NKAIN3: variants seen among roughly 807,000 people sequenced by gnomAD.
The protein encoded by NKAIN3 is sodium/potassium-transporting ATPase subunit beta-1-interacting protein 3.
A neutral mutation model predicts 30.2 loss-of-function variants in NKAIN3; 25 were observed. That is an observed-to-expected ratio of 0.83 (90% CI 0.60 to 1.16). NKAIN3 has a LOEUF of 1.16. Among genes scored for constraint, NKAIN3 ranks in the 50% most tolerant of loss-of-function variants. NKAIN3 has a pLI of 0.00. For missense variants in NKAIN3, 225 were observed against 254.1 expected (o/e 0.89, Z 0.78); for synonymous variants, 91 against 89.6 (o/e 1.02, Z -0.09).
intron 3 of NKAIN3, among the ~76,000 whole-genome samples, chr8:62,649,580 C>G (rs1458913577): frequency 6.6e-6 from 1 of 152,082 alleles, no homozygotes; most frequent in African/African-American, 2.4e-5. Context: ...GATATAATGA[C>G]AAAGGTTATT....
At chr8:62,364,844 A>AAAAAAAAAT (rs1816686125) in intron 1 of NKAIN3, among the ~76,000 whole-genome samples, 1 of 151,054 alleles carries the variant, frequency 6.6e-6, no homozygotes, top group Admixed American at 6.6e-5. Context: ...AAAAAAAAAA[A>AAAAAAAAAT]AAAAAAATCA....
chr8:62,314,101 A>G (rs1399265891), intron 1 of NKAIN3, among the ~76,000 whole-genome samples: 2 of 152,172 alleles, frequency 1.3e-5, no homozygotes, highest in Non-Finnish European at 2.9e-5. Context: ...CTATCTCTCA[A>G]GTTTCTTCCC....
chr8:62,370,422 T>TG (rs942505968), intron 1 of NKAIN3, among the ~76,000 whole-genome samples: 2 of 151,228 alleles, frequency 1.3e-5, no homozygotes, highest in African/African-American at 4.8e-5. Flanking sequence ...AAAAAGAAAA[T>TG]GGGGGGGAAC....
At chr8:62,766,237 G>T (rs954754351) in intron 4 of NKAIN3, among the ~76,000 whole-genome samples, 2 of 152,194 alleles carry the variant, frequency 1.3e-5, no homozygotes, top group African/African-American at 4.8e-5. Context: ...GATTAATCAA[G>T]TAACGTAATA....
chr8:62,448,558 A>C (rs187109217), intron 1 of NKAIN3, among the ~76,000 whole-genome samples: 110 of 151,470 alleles, frequency 7.3e-4, no homozygotes, highest in African/African-American at 2.4e-3. Context: ...CTTTTTTAAC[A>C]TAATTGAGAT....
At chr8:62,887,497 A>T (rs1353472054) in intron 4 of NKAIN3, among the ~76,000 whole-genome samples, 1 of 151,646 alleles carries the variant, frequency 6.6e-6, no homozygotes, top group Non-Finnish European at 1.5e-5. Flanking sequence ...TTCTTATTAC[A>T]CATATTTTAT....
rs937787369 is a variant in NKAIN3, at chr8:62,343,468, A to G, written c.54+94341A>G. On this transcript the variant is annotated intron_variant, in intron 1 of 6. Coordinates refer to ENST00000623646, the MANE Select transcript of NKAIN3 (RefSeq NM_001304533.3). ...AAACTACTATAAATTTTACTATTCTATAGTCAGTTGAACATCTTATTTAAC... is the reference window on the plus strand; with the variant it reads ...AAACTACTATAAATTTTACTATTCTGTAGTCAGTTGAACATCTTATTTAAC... Among the ~76,000 whole-genome samples the G allele has an allele frequency of 3.9e-5, 6 of 152,012 alleles. No homozygotes were observed. The East Asian group carries it at 7.7e-4, about 20-fold the overall frequency.
intron 6 of NKAIN3, among the ~76,000 whole-genome samples, chr8:62,962,683 C>T (rs1034870043): frequency 2.6e-5 from 4 of 152,010 alleles, no homozygotes; most frequent in Non-Finnish European, 4.4e-5. Context: ...TGGCAAGTGT[C>T]GACTGGTTAA....
At chr8:62,579,391 T>C (rs1325006459) in intron 1 of NKAIN3, 148 bp from the exon 2 acceptor site, 2 of 556,344 alleles carry the variant, frequency 3.6e-6, no homozygotes, top group East Asian at 2.8e-5. Flanking sequence ...AAACAGCACA[T>C]GAAATAAGAA....
chr8:62,814,235 T>G (rs920959477), intron 4 of NKAIN3, among the ~76,000 whole-genome samples: 1 of 151,782 alleles, frequency 6.6e-6, no homozygotes, highest in South Asian at 2.1e-4. Context: ...GGGTTTTTAA[T>G]GCCTTTCCCC....
At chr8:62,880,804 G>A (rs927070587) in intron 4 of NKAIN3, among the ~76,000 whole-genome samples, 15 of 152,134 alleles carry the variant, frequency 9.9e-5, no homozygotes, top group African/African-American at 3.6e-4. Flanking sequence ...ACTAAATACT[G>A]TAGGAGGGTG....
At chr8:62,344,614 T>A (rs1815867312) in intron 1 of NKAIN3, among the ~76,000 whole-genome samples, 1 of 152,076 alleles carries the variant, frequency 6.6e-6, no homozygotes, top group South Asian at 2.1e-4. Flanking sequence ...GCATACCCTA[T>A]TGCTTTTCTT....
At chr8:62,602,181 G>A (rs938053536) in intron 3 of NKAIN3, among the ~76,000 whole-genome samples, 1 of 152,032 alleles carries the variant, frequency 6.6e-6, no homozygotes, top group East Asian at 1.9e-4. Flanking sequence ...GTAATCTTAT[G>A]CCTTTCCATA....
chr8:62,603,394 G>A (rs1329893862), intron 3 of NKAIN3, among the ~76,000 whole-genome samples: 1 of 152,148 alleles, frequency 6.6e-6, no homozygotes. Context: ...GATTATGATT[G>A]ATGAGTATTA....
chr8:62,875,098 C>T (rs1261320275), intron 4 of NKAIN3, among the ~76,000 whole-genome samples: 2 of 152,038 alleles, frequency 1.3e-5, no homozygotes, highest in African/African-American at 4.8e-5. Flanking sequence ...CTCAAACACT[C>T]CTTGAACTGA....
intron 4 of NKAIN3, among the ~76,000 whole-genome samples, chr8:62,813,207 A>G (rs983463270): frequency 1.3e-5 from 2 of 151,844 alleles, no homozygotes; most frequent in Non-Finnish European, 2.9e-5. Flanking sequence ...CTATTGGTCT[A>G]TGTGTTTTTA....
chr8:62,471,518 A>G (rs971146744), intron 1 of NKAIN3, among the ~76,000 whole-genome samples: 2 of 152,202 alleles, frequency 1.3e-5, no homozygotes, highest in African/African-American at 2.4e-5. Context: ...AGAATTACTG[A>G]TACAATGCCT....
At chr8:62,670,662 G>A (rs1323352240) in intron 3 of NKAIN3, among the ~76,000 whole-genome samples, 1 of 152,078 alleles carries the variant, frequency 6.6e-6, no homozygotes, top group Non-Finnish European at 1.5e-5. Flanking sequence ...GGCAGTTCAG[G>A]TGCTCACTAG....
chr8:62,663,943 G>T (rs1293888113), intron 3 of NKAIN3, among the ~76,000 whole-genome samples: 1 of 151,924 alleles, frequency 6.6e-6, no homozygotes, highest in African/African-American at 2.4e-5. Flanking sequence ...GAAGAGTATT[G>T]CACAGGATGA....
Sources: gnomAD v4.1 joint callset for allele counts (sites outside exome capture counted in the v4.1 genomes callset) on GRCh38, gnomAD v4.1.1 for gene constraint, MANE v1.5 for transcripts, NCBI Gene and HGNC (gene_info 2026-07-23, HGNC 2026-07-21) for gene names.